TWIST2: variants seen among roughly 807,000 people sequenced by gnomAD.
The protein encoded by TWIST2 is twist family bHLH transcription factor 2.
Under a neutral mutation model 11.6 loss-of-function variants are expected in TWIST2, and 1 was observed. The observed-to-expected ratio is 0.09, with a 90% CI of 0.03 to 0.41. TWIST2 has a LOEUF of 0.41. Among genes scored for constraint, TWIST2 ranks in the 10% least tolerant of loss-of-function variants. The pLI, the probability that TWIST2 is intolerant of heterozygous loss-of-function variation, is 0.98. For synonymous variants in TWIST2, 87 were observed against 96.6 expected, an observed-to-expected ratio of 0.90 and a Z score of 0.58; for missense variants, 168 against 226.4, an observed-to-expected ratio of 0.74 and a Z score of 1.66.
intron 1 of TWIST2, among the ~76,000 whole-genome samples, chr2:238,905,943 G>A (rs1271460752): frequency 1.9e-5 from 2 of 103,582 alleles, no homozygotes; most frequent in Admixed American, 1.6e-4. Context: ...GCGTGTGTGT[G>A]CGCGCGCGTG....
chr2:238,870,230 T>C (rs376696726), intron 1 of TWIST2, among the ~76,000 whole-genome samples: 19 of 298 alleles, frequency 0.064, no homozygotes, highest in Admixed American at 0.094. Flanking sequence ...ACACATCACA[T>C]ACCACACACA....
rs372796462 is a variant in TWIST2 at position 238,890,985 on chromosome 2, A to G, written c.*36-18857A>G. Among the ~76,000 whole-genome samples, 5 of 152,286 alleles carry G rather than the reference A, an allele frequency of 3.3e-5. No individual in the cohort carries two copies. The East Asian group carries it at 9.6e-4, about 29-fold the overall frequency. On this transcript the variant is annotated intron_variant, in intron 1 of 1. Coordinates refer to ENST00000612363, the MANE Select transcript of TWIST2 (RefSeq NM_001271893.4). ...GACCTTGCCAGCTATTTGTGGGCTG[A>G]TAAGAATCCGTGCACTTTCACTCCT...
intron 1 of TWIST2, among the ~76,000 whole-genome samples, chr2:238,905,446 G>T (rs1693328677): frequency 6.6e-6 from 1 of 152,114 alleles, no homozygotes; most frequent in South Asian, 2.1e-4. Flanking sequence ...GACATGGCTG[G>T]GGTCAGGGTG....
intron 1 of TWIST2, among the ~76,000 whole-genome samples, chr2:238,890,406 C>A (rs1693112557): frequency 6.6e-6 from 1 of 152,188 alleles, no homozygotes; most frequent in African/African-American, 2.4e-5. Flanking sequence ...AGGAGACGGC[C>A]ACTGAGAGCC....
At chr2:238,885,925 A>G (rs1231397712) in intron 1 of TWIST2, among the ~76,000 whole-genome samples, 1 of 151,802 alleles carries the variant, frequency 6.6e-6, no homozygotes, top group Non-Finnish European at 1.5e-5. Flanking sequence ...GTGAAAACCT[A>G]TCTCTACTAA....
chr2:238,874,569 C>T (rs1233391377), intron 1 of TWIST2, among the ~76,000 whole-genome samples: 1 of 152,174 alleles, frequency 6.6e-6, no homozygotes, highest in Non-Finnish European at 1.5e-5. Context: ...CGGTCTGCAC[C>T]AGCCCCACCT....
chr2:238,856,066 C>T (rs758110667), intron 1 of TWIST2, among the ~76,000 whole-genome samples: 4 of 152,102 alleles, frequency 2.6e-5, no homozygotes, highest in South Asian at 2.1e-4. Flanking sequence ...CCCTGGGGGC[C>T]GTGCGGTGGC....
intron 1 of TWIST2, among the ~76,000 whole-genome samples, chr2:238,893,040 C>T (rs950472727): frequency 6.6e-6 from 1 of 152,158 alleles, no homozygotes; most frequent in Non-Finnish European, 1.5e-5. Context: ...CCCAACTGCT[C>T]CGCCAGAAAC....
chr2:238,898,124 G>A lies in TWIST2; in HGVS notation c.*36-11718G>A, dbSNP rs963642025. On this transcript the variant is annotated intron_variant, in intron 1 of 1. Transcript: ENST00000612363. ...CAGAGGAACTGCAGCTGGCGAACGC[G>A]GTCTCAGGGCCCGGGTGCTGGGGGT... Among the ~76,000 whole-genome samples, 51 of 152,334 alleles carry A rather than the reference G, an allele frequency of 3.3e-4. 1 individual carries two copies. The highest frequency in any genetic ancestry group is 1.0e-3 in the Admixed American group (16 of 15,308).
chr2:238,863,052 T>A lies in TWIST2; in HGVS notation c.*35+14319T>A, dbSNP rs899294613. Among the ~76,000 whole-genome samples the A allele has an allele frequency of 3.3e-4, 48 of 145,444 alleles. No individual in the cohort carries two copies. Among genetic ancestry groups the A allele is most frequent in the Admixed American group, 1.9e-3 (27 of 14,552 alleles). On this transcript the variant is annotated intron_variant, in intron 1 of 1. Transcript: ENST00000612363. The surrounding 1 kb of genome is among the most constrained non-coding windows in gnomAD (Gnocchi z 4.7). ...TTTCCTTCTTATGTTTTTTTTTTTT[T>A]AATTTCTAGATTTTCTACAGATGCC...
intron 1 of TWIST2, among the ~76,000 whole-genome samples, chr2:238,871,660 A>C (rs1574756252): frequency 7.8e-5 from 4 of 51,138 alleles, no homozygotes; most frequent in Non-Finnish European, 1.2e-4. Flanking sequence ...CCCCCCCCAC[A>C]CACACCATCA....
chr2:238,861,704 G>A (rs149758226), intron 1 of TWIST2, among the ~76,000 whole-genome samples: 291 of 152,264 alleles, frequency 1.9e-3, no homozygotes, highest in Middle Eastern at 3.4e-3. Context: ...GGTGAATCCC[G>A]TTACAGCCGT....
At chr2:238,889,836 G>A (rs1485886261) in intron 1 of TWIST2, among the ~76,000 whole-genome samples, 1 of 152,138 alleles carries the variant, frequency 6.6e-6, no homozygotes, top group Non-Finnish European at 1.5e-5. Context: ...CCACTTGCAG[G>A]GCAGGTAGTA....
chr2:238,897,662 AGCAGCACTCT>A (rs1462518834), intron 1 of TWIST2, among the ~76,000 whole-genome samples: 1 of 152,186 alleles, frequency 6.6e-6, no homozygotes, highest in African/African-American at 2.4e-5. Flanking sequence ...CTACCGTGAA[AGCAGCACTCT>A]GCATTTCCTC....
At chr2:238,888,740 G>C (rs569047472) in intron 1 of TWIST2, among the ~76,000 whole-genome samples, 1 of 152,170 alleles carries the variant, frequency 6.6e-6, no homozygotes, top group Admixed American at 6.5e-5. Flanking sequence ...TAATAACGGC[G>C]AAGTCCTGTT....
At chr2:238,896,395 T>C (rs1693207854) in intron 1 of TWIST2, among the ~76,000 whole-genome samples, 1 of 152,146 alleles carries the variant, frequency 6.6e-6, no homozygotes, top group Admixed American at 6.6e-5. Flanking sequence ...AGGACCCCAT[T>C]TCAAGCCAGT....
At chr2:238,861,521 C>T (rs1055151160) in intron 1 of TWIST2, among the ~76,000 whole-genome samples, 14 of 152,174 alleles carry the variant, frequency 9.2e-5, no homozygotes, top group African/African-American at 3.1e-4. Flanking sequence ...GGCAAGTCGG[C>T]ACCCTTAGGC....
At chr2:238,908,814 G>A (rs1693400618) in intron 1 of TWIST2, among the ~76,000 whole-genome samples, 1 of 150,596 alleles carries the variant, frequency 6.6e-6, no homozygotes, top group Non-Finnish European at 1.5e-5. Flanking sequence ...TGTAGTGTGC[G>A]GTATGTTTGT....
chr2:238,854,647 G>A (rs1692298388), intron 1 of TWIST2, among the ~76,000 whole-genome samples: 1 of 152,228 alleles, frequency 6.6e-6, no homozygotes, highest in Non-Finnish European at 1.5e-5. Flanking sequence ...CTGTTTTTCT[G>A]TCGCTATCCA....
Sources: allele counts gnomAD v4.1 joint callset (sites outside exome capture counted in the v4.1 genomes callset), GRCh38; gene constraint gnomAD v4.1.1; non-coding constraint Gnocchi (gnomAD v3.1); transcripts MANE v1.5; gene names NCBI Gene and HGNC (gene_info 2026-07-23, HGNC 2026-07-21).